Variants in AGBL1 observed in about 807,000 individuals in gnomAD.
The protein encoded by AGBL1 is AGBL carboxypeptidase 1, also known as cytosolic carboxypeptidase 4.
Under a neutral mutation model 118.9 loss-of-function variants are expected in AGBL1, and 130 were observed. The ratio of observed to expected loss-of-function variants is 1.09; its 90% confidence interval spans 0.95 to 1.26. The LOEUF (loss-of-function observed/expected upper bound fraction) is 1.26. Ranked by LOEUF, AGBL1 falls within the 50% of genes most tolerant of loss-of-function variation. The probability of loss-of-function intolerance (pLI) is 0.00; values close to 1 mark genes in which losing one functional copy is unlikely to be tolerated. For synonymous variants in AGBL1, 555 were observed against 478.9 expected, an observed-to-expected ratio of 1.16 and a Z score of -2.08; for missense variants, 1,584 against 1,298.1, an observed-to-expected ratio of 1.22 and a Z score of -3.38.
At chr15:86,496,472 A>G (rs2082856861) in intron 18 of AGBL1, among the ~76,000 whole-genome samples, 1 of 152,044 alleles carries the variant, frequency 6.6e-6, no homozygotes, top group African/African-American at 2.4e-5. Flanking sequence ...AGCTTTTTTA[A>G]AAGATCCAAT....
At chr15:86,111,098 C>T (rs1333310692) in intron 1 of AGBL1, among the ~76,000 whole-genome samples, 2 of 152,234 alleles carry the variant, frequency 1.3e-5, no homozygotes, top group African/African-American at 4.8e-5. Flanking sequence ...AGGAGAATTG[C>T]CTGGAGGCAG....
chr15:86,318,182 A>T (rs1002750195), intron 17 of AGBL1, among the ~76,000 whole-genome samples: 1 of 152,166 alleles, frequency 6.6e-6, no homozygotes, highest in Non-Finnish European at 1.5e-5. Flanking sequence ...TCTTGTGGGG[A>T]TGTAATTTTT....
chr15:86,528,041 T>C (rs2083290314), intron 19 of AGBL1, among the ~76,000 whole-genome samples: 1 of 152,194 alleles, frequency 6.6e-6, no homozygotes, highest in Admixed American at 6.5e-5. Context: ...ATAATTATGG[T>C]GCTACGTGTC....
At chr15:86,395,222 A>G (rs1049905316) in intron 17 of AGBL1, among the ~76,000 whole-genome samples, 1 of 152,104 alleles carries the variant, frequency 6.6e-6, no homozygotes, top group Non-Finnish European at 1.5e-5. Flanking sequence ...TTTAAAATTT[A>G]TGTTCCATCA....
Position 86,116,223 on chromosome 15 carries a change from C to T in AGBL1, c.52-25781C>T, listed in dbSNP as rs28368588. On this transcript the variant is annotated intron_variant, in intron 1 of 22. Transcript: ENST00000614907. ...AGCAAAACACAACCAACCAACCAAT[C>T]GAGAACAAAAATGTAAGGCTCAGAA... Among the ~76,000 whole-genome samples the T allele has an allele frequency of 4.9e-3, 744 of 152,222 alleles. 5 individuals carry two copies. The highest frequency in any genetic ancestry group is 0.017 in the African/African-American group (704 of 41,524).
At chr15:86,595,168 A>C (rs1054451452) in intron 21 of AGBL1, among the ~76,000 whole-genome samples, 4 of 152,158 alleles carry the variant, frequency 2.6e-5, no homozygotes, top group African/African-American at 9.7e-5. Flanking sequence ...TCCTCTCTCT[A>C]TAACCTTAAT....
At chr15:86,372,652 T>C (rs2080987249) in intron 17 of AGBL1, among the ~76,000 whole-genome samples, 1 of 152,244 alleles carries the variant, frequency 6.6e-6, no homozygotes, top group Non-Finnish European at 1.5e-5. Flanking sequence ...TCTCTTATGG[T>C]CGTAGTTTTC....
At chr15:86,537,345 T>G (rs2083440432) in intron 19 of AGBL1, among the ~76,000 whole-genome samples, 1 of 152,238 alleles carries the variant, frequency 6.6e-6, no homozygotes, top group Admixed American at 6.5e-5. Flanking sequence ...AGAACTTCAG[T>G]ACCTGCAACT....
intron 22 of AGBL1, among the ~76,000 whole-genome samples, chr15:86,726,531 A>G (rs1270452257): frequency 6.6e-6 from 1 of 152,200 alleles, no homozygotes; most frequent in Non-Finnish European, 1.5e-5. Flanking sequence ...GTTTGGCACA[A>G]TACGCGGCTC....
intron 1 of AGBL1, among the ~76,000 whole-genome samples, chr15:86,101,026 A>G (rs1305448364): frequency 6.6e-6 from 1 of 152,034 alleles, no homozygotes; most frequent in Non-Finnish European, 1.5e-5. Context: ...TTTTAGCACA[A>G]CTTTTGCTGT....
At chr15:86,404,980 C>G (rs1160748205) in intron 18 of AGBL1, among the ~76,000 whole-genome samples, 1 of 151,946 alleles carries the variant, frequency 6.6e-6, no homozygotes, top group Non-Finnish European at 1.5e-5. Context: ...TGCTCTTGAG[C>G]TTTAAATTGG....
chr15:86,508,069 A>T (rs2083001176), intron 18 of AGBL1, among the ~76,000 whole-genome samples: 1 of 147,044 alleles, frequency 6.8e-6, no homozygotes, highest in African/African-American at 2.5e-5. Flanking sequence ...CAGTGGCACG[A>T]GCCACCATGC....
At chr15:86,974,867 A>C in intron 23 of AGBL1, among the ~76,000 whole-genome samples, 1 of 151,892 alleles carries the variant, frequency 6.6e-6, no homozygotes, top group East Asian at 1.9e-4. Context: ...ACAGGAGAGA[A>C]ACCACACTTC....
chr15:86,940,958 C>T (rs1006827781), intron 23 of AGBL1, among the ~76,000 whole-genome samples: 1 of 152,190 alleles, frequency 6.6e-6, no homozygotes, highest in African/African-American at 2.4e-5. Context: ...GAACTTATTC[C>T]ATTTTATGAA....
chr15:87,026,375 G>A (rs1222554760), intron 24 of AGBL1, among the ~76,000 whole-genome samples: 3 of 151,646 alleles, frequency 2.0e-5, no homozygotes, highest in Non-Finnish European at 2.9e-5. Flanking sequence ...ATATACAAAT[G>A]GCCAACAAAT....
intron 20 of AGBL1, among the ~76,000 whole-genome samples, chr15:86,548,059 G>A (rs932606869): frequency 6.6e-6 from 1 of 152,102 alleles, no homozygotes; most frequent in Admixed American, 6.5e-5. Context: ...AGACTTTTGT[G>A]TATACAAATG....
chr15:86,496,200 T>C (rs915154160), intron 18 of AGBL1, among the ~76,000 whole-genome samples: 1 of 152,022 alleles, frequency 6.6e-6, no homozygotes, highest in African/African-American at 2.4e-5. Flanking sequence ...GATGATTTTA[T>C]AAATCTTTGA....
intron 7 of AGBL1, among the ~76,000 whole-genome samples, chr15:86,250,142 C>G (rs946710854): frequency 6.6e-6 from 1 of 152,068 alleles, no homozygotes; most frequent in South Asian, 2.1e-4. Context: ...CATCTGTCAC[C>G]TGGAAGAGTG....
At chr15:87,006,413 C>T (rs966112834) in intron 24 of AGBL1, among the ~76,000 whole-genome samples, 5 of 152,166 alleles carry the variant, frequency 3.3e-5, no homozygotes, top group Non-Finnish European at 7.4e-5. Context: ...CCCCGAGCCT[C>T]GCTGCTGCCT....
Sources: gnomAD v4.1 joint callset for allele counts (sites outside exome capture counted in the v4.1 genomes callset) on GRCh38, gnomAD v4.1.1 for gene constraint, MANE v1.5 for transcripts, NCBI Gene and HGNC (gene_info 2026-07-23, HGNC 2026-07-21) for gene names.